The following CTNND2 variants were observed in gnomAD, a reference collection of about 807,000 sequenced individuals.
The protein encoded by CTNND2 is catenin delta-2.
A neutral mutation model predicts 144.4 loss-of-function variants in CTNND2; 22 were observed. That is an observed-to-expected ratio of 0.15 (90% CI 0.11 to 0.22). CTNND2 has a LOEUF of 0.22. Among genes scored for constraint, CTNND2 ranks in the 10% least tolerant of loss-of-function variants. CTNND2 has a pLI of 1.00. For synonymous variants in CTNND2, 751 were observed against 695.6 expected (o/e 1.08, Z -1.25); for missense variants, 1,353 against 1,618.8 (o/e 0.84, Z 2.82).
rs533744554 is a variant in CTNND2 at position 11,335,949 on chromosome 5, T to A, written c.1628+10423A>T. Among the ~76,000 whole-genome samples, 3 of 152,148 alleles carry A rather than the reference T, an allele frequency of 2.0e-5. No homozygotes were observed. In the East Asian group the frequency reaches 5.8e-4, roughly 30 times the overall value. On this transcript the variant is annotated intron_variant, in intron 9 of 21. Transcript: ENST00000304623. ...TCAGACATTTGCATAGGATGTAACCTTTGTAACTTCAGCCTCTGATTGGTT... is the reference window on the plus strand; with the variant it reads ...TCAGACATTTGCATAGGATGTAACCATTGTAACTTCAGCCTCTGATTGGTT...
At chr5:11,042,383 T>A (rs1744766358) in intron 16 of CTNND2, among the ~76,000 whole-genome samples, 1 of 152,386 alleles carries the variant, frequency 6.6e-6, no homozygotes, top group East Asian at 1.9e-4. Context: ...GTCTTGTTCT[T>A]ATGTTATACA....
intron 3 of CTNND2, among the ~76,000 whole-genome samples, chr5:11,447,241 A>T (rs1278848032): frequency 6.6e-6 from 1 of 151,842 alleles, no homozygotes. Flanking sequence ...ACTTGGGAGG[A>T]AGGGGCAGGA....
chr5:11,637,431 T>C (rs1781769122), intron 2 of CTNND2, among the ~76,000 whole-genome samples: 1 of 152,218 alleles, frequency 6.6e-6, no homozygotes, highest in South Asian at 2.1e-4. Flanking sequence ...CTTGTGAATA[T>C]GGAAAATAAT....
At chr5:11,736,440 C>T (rs962997199) in intron 1 of CTNND2, among the ~76,000 whole-genome samples, 2 of 152,180 alleles carry the variant, frequency 1.3e-5, no homozygotes, top group African/African-American at 2.4e-5. Context: ...ATGCAAATGA[C>T]TTGGAATAAT....
chr5:11,812,415 C>T (rs10462677), intron 1 of CTNND2, among the ~76,000 whole-genome samples: 15,061 of 152,074 alleles, frequency 0.099, 1,743 homozygotes, highest in African/African-American at 0.27. Flanking sequence ...CATGGCATGA[C>T]CCCTATTTAC....
intron 2 of CTNND2, among the ~76,000 whole-genome samples, chr5:11,611,650 T>TG (rs1581605486): frequency 6.6e-6 from 1 of 152,100 alleles, no homozygotes; most frequent in East Asian, 1.9e-4. Context: ...TGGTGGCATG[T>TG]GCTTATAATC....
chr5:11,546,061 T>C (rs1775209544), intron 3 of CTNND2, among the ~76,000 whole-genome samples: 1 of 152,086 alleles, frequency 6.6e-6, no homozygotes, highest in Non-Finnish European at 1.5e-5. Flanking sequence ...GAGCCAATAA[T>C]AAAAGATCAC....
chr5:11,899,578 T>A (rs1343850286), intron 1 of CTNND2, among the ~76,000 whole-genome samples: 1 of 152,188 alleles, frequency 6.6e-6, no homozygotes, highest in East Asian at 1.9e-4. Flanking sequence ...CCATTTAATA[T>A]CCTTTGTTAG....
chr5:11,050,948 C>T (rs1350663445), intron 16 of CTNND2, among the ~76,000 whole-genome samples: 1 of 152,214 alleles, frequency 6.6e-6, no homozygotes, highest in African/African-American at 2.4e-5. Flanking sequence ...CTTCCCTTTT[C>T]TCCACTATAA....
intron 2 of CTNND2, among the ~76,000 whole-genome samples, chr5:11,635,458 G>A (rs1019778): frequency 0.055 from 8,350 of 152,176 alleles, 741 homozygotes; most frequent in African/African-American, 0.19. Flanking sequence ...TTTAAGAGCA[G>A]ATAAGACTCG....
intron 1 of CTNND2, among the ~76,000 whole-genome samples, chr5:11,798,167 AAGG>A (rs1791497329): frequency 6.6e-6 from 1 of 151,794 alleles, no homozygotes; most frequent in Non-Finnish European, 1.5e-5. Context: ...GAGGCCAAGA[AAGG>A]AGAATCGCTG....
At position 11,364,699 on chromosome 5, in the gene CTNND2, T is replaced by C. The variant is rs1756793766; in HGVS notation, c.1369A>G (p.Thr457Ala). Residue 457 changes from threonine to alanine, a missense_variant, in exon 8 of 22, where the codon ACA (threonine) becomes GCA (alanine). By Grantham distance (58) the Thr-to-Ala change is moderately conservative. Transcript: ENST00000304623. The stretch of plus-strand genomic sequence containing the variant: ...CAGTGGGGTCCTGATTACACACCTG[T>C]GCTCGTGCGGTAGGTGCCGGTGTGT... ...PAHTGTYRTS[T>A]APSSPGVDSV... 6.2e-7 allele frequency: 1 copy of C among 1,611,524 alleles called. No homozygotes were observed. The highest frequency in any genetic ancestry group is 1.7e-5 in the Admixed American group (1 of 59,508).
At chr5:11,536,435 T>C (rs1474874793) in intron 3 of CTNND2, among the ~76,000 whole-genome samples, 5 of 152,178 alleles carry the variant, frequency 3.3e-5, no homozygotes, top group African/African-American at 1.2e-4. Context: ...CACATGTTTA[T>C]AGCAGCACAG....
chr5:11,565,480 C>T (rs377315901), intron 2 of CTNND2, among the ~76,000 whole-genome samples: 2 of 152,190 alleles, frequency 1.3e-5, no homozygotes, highest in South Asian at 2.1e-4. Context: ...TTATTCCCTA[C>T]TGGCCTTCTG....
At chr5:11,014,854 C>T (rs1741447988) in intron 18 of CTNND2, among the ~76,000 whole-genome samples, 1 of 152,176 alleles carries the variant, frequency 6.6e-6, no homozygotes, top group African/African-American at 2.4e-5. Flanking sequence ...TCCCCTCACA[C>T]TTTCCCTTTT....
intron 2 of CTNND2, among the ~76,000 whole-genome samples, chr5:11,603,833 C>CA (rs921926794): frequency 1.3e-5 from 2 of 152,156 alleles, no homozygotes; most frequent in Non-Finnish European, 2.9e-5. Flanking sequence ...GTCCCACCCT[C>CA]ACACAGCTTA....
intron 8 of CTNND2, among the ~76,000 whole-genome samples, chr5:11,351,144 T>C (rs1755295786): frequency 6.6e-6 from 1 of 152,344 alleles, no homozygotes; most frequent in Middle Eastern, 3.4e-3. Flanking sequence ...TACATTTTTT[T>C]CCCTTAATTT....
At chr5:11,139,552 A>G (rs2149732080) in intron 12 of CTNND2, among the ~76,000 whole-genome samples, 1 of 152,330 alleles carries the variant, frequency 6.6e-6, no homozygotes, top group Admixed American at 6.5e-5. Context: ...AAAGGGAGAA[A>G]GAAAAACAAA....
intron 11 of CTNND2, among the ~76,000 whole-genome samples, chr5:11,194,933 G>A (rs546606225): frequency 6.6e-6 from 1 of 152,116 alleles, no homozygotes; most frequent in East Asian, 1.9e-4. Context: ...AAAAATTGGG[G>A]GAAAATAAAT....
Sources: gnomAD v4.1 joint callset for allele counts (sites outside exome capture counted in the v4.1 genomes callset) on GRCh38, gnomAD v4.1.1 for gene constraint, MANE v1.5 for transcripts, NCBI Gene and HGNC (gene_info 2026-07-23, HGNC 2026-07-21) for gene names.